The following SYT14 variants were observed in gnomAD, a reference collection of about 807,000 sequenced individuals.
SYT14 encodes the protein synaptotagmin-14.
Under a neutral mutation model 74.2 loss-of-function variants are expected in SYT14, and 32 were observed. The ratio of observed to expected loss-of-function variants is 0.43; its 90% CI spans 0.33 to 0.58. The LOEUF is 0.58. SYT14 is among the 20% of genes least tolerant of loss of function. The pLI is 0.05. For synonymous variants in SYT14, 298 were observed against 337.7 expected (o/e 0.88, Z 1.29); for missense variants, 791 against 981.8 (o/e 0.81, Z 2.60).
At position 210,001,564 on chromosome 1, in the gene SYT14, C is replaced by G. The variant is rs80254585; in HGVS notation, c.-485-12069C>G. Among the ~76,000 whole-genome samples, 1,287 of 152,052 alleles carry G rather than the reference C, an allele frequency of 8.5e-3. 19 individuals are homozygous for G. Among genetic ancestry groups the G allele is most frequent in the African/African-American group, 0.03 (1,226 of 41,456 alleles). On this transcript the variant is annotated intron_variant, in intron 2 of 9. Coordinates refer to ENST00000637265, the Ensembl canonical transcript of SYT14. Reference sequence around the variant, plus strand: ...TCAGCTGGCTTCCTGCCTTTTGAAGCGTACATGCTAGTATGGGAAGACAGA... The same window carrying G: ...TCAGCTGGCTTCCTGCCTTTTGAAGGGTACATGCTAGTATGGGAAGACAGA...
At chr1:209,951,547 C>T (rs2078912146) in intron 1 of SYT14, among the ~76,000 whole-genome samples, 1 of 152,126 alleles carries the variant, frequency 6.6e-6, no homozygotes, top group African/African-American at 2.4e-5. Flanking sequence ...GTGCCATTAT[C>T]TTTTAAAGTT....
At position 209,950,268 on chromosome 1, in the gene SYT14, C is replaced by T. The variant is rs564726810; in HGVS notation, c.-533-2441C>T. 1.2e-3 allele frequency among the ~76,000 whole-genome samples: 187 copies of T among 152,174 alleles called. 1 individual carries two copies. The highest frequency in any genetic ancestry group is 4.4e-3 in the African/African-American group (184 of 41,528). On this transcript the variant is annotated intron_variant, in intron 1 of 9. Coordinates refer to ENST00000637265, the Ensembl canonical transcript of SYT14. ...ATGTATGGAGAATATTTCTAAGTTA[C>T]CTATGAAAACATCATAGGCCTCAAT...
intron 7 of SYT14, among the ~76,000 whole-genome samples, chr1:210,115,913 GGTGCAGGCAGGCTGAGTCCGAAAAGAGA>G (rs2102595366): frequency 6.6e-6 from 1 of 151,268 alleles, no homozygotes; most frequent in African/African-American, 2.5e-5. Flanking sequence ...TAATCATCTG[GGTGCAGGCAGGCTGAGTCCGAAAAGAGA>G]GTCAGCGAAG....
chr1:210,157,269 C>T (rs1156420874), intron 8 of SYT14, among the ~76,000 whole-genome samples: 2 of 150,490 alleles, frequency 1.3e-5, no homozygotes, highest in Non-Finnish European at 3.0e-5. Flanking sequence ...AAGTGAGACC[C>T]TGACTCTACA....
At chr1:210,037,052 G>T (rs1267176694) in intron 5 of SYT14, among the ~76,000 whole-genome samples, 1 of 151,876 alleles carries the variant, frequency 6.6e-6, no homozygotes, top group African/African-American at 2.4e-5. Context: ...AATTTATCTG[G>T]TCCTGGGCTT....
intron 7 of SYT14, among the ~76,000 whole-genome samples, chr1:210,144,137 C>T (rs2082980778): frequency 6.6e-6 from 1 of 152,108 alleles, no homozygotes; most frequent in East Asian, 1.9e-4. Flanking sequence ...CTCTGAAATC[C>T]AGTGCAATGT....
intron 7 of SYT14, among the ~76,000 whole-genome samples, chr1:210,107,928 G>A (rs1229250619): frequency 6.6e-6 from 1 of 151,656 alleles, no homozygotes; most frequent in South Asian, 2.1e-4. Context: ...ATAATCATTT[G>A]TCAGTTAAAA....
At chr1:209,990,575 G>GTATA (rs2079663941) in intron 2 of SYT14, among the ~76,000 whole-genome samples, 3 of 25,458 alleles carry the variant, frequency 1.2e-4, no homozygotes, top group Admixed American at 1.5e-3. Context: ...ATATATGTAT[G>GTATA]TATATTTCTT....
chr1:209,951,248 C>A (rs993581511), intron 1 of SYT14, among the ~76,000 whole-genome samples: 8 of 152,054 alleles, frequency 5.3e-5, no homozygotes, highest in South Asian at 2.1e-4. Context: ...AACTTTGTAC[C>A]CTTTGCAGTA....
chr1:210,061,100 T>A (rs1300085207), intron 5 of SYT14, among the ~76,000 whole-genome samples: 1 of 152,072 alleles, frequency 6.6e-6, no homozygotes, highest in Non-Finnish European at 1.5e-5. Context: ...TAATCTTTTT[T>A]TTCATTATCT....
At chr1:209,996,513 A>G (rs2079800735) in intron 2 of SYT14, among the ~76,000 whole-genome samples, 1 of 152,152 alleles carries the variant, frequency 6.6e-6, no homozygotes, top group Non-Finnish European at 1.5e-5. Flanking sequence ...TTCACAGCCA[A>G]ATTCTAACAG....
intron 5 of SYT14, among the ~76,000 whole-genome samples, chr1:210,042,869 G>GT (rs1437318424): frequency 2.0e-5 from 3 of 152,110 alleles, no homozygotes; most frequent in East Asian, 1.9e-4. Context: ...AATTTAAGTA[G>GT]TTTTTTCTAA....
chr1:209,973,301 G>A (rs549463498), intron 2 of SYT14, among the ~76,000 whole-genome samples: 1 of 152,116 alleles, frequency 6.6e-6, no homozygotes, highest in Non-Finnish European at 1.5e-5. Context: ...ATGTTGGTGT[G>A]CTGCACCCAT....
chr1:209,982,789 G>A (rs768667464), intron 2 of SYT14, among the ~76,000 whole-genome samples: 3 of 152,160 alleles, frequency 2.0e-5, no homozygotes, highest in South Asian at 2.1e-4. Flanking sequence ...TTTTAGAGTC[G>A]CTGTGCCATG....
intron 2 of SYT14, among the ~76,000 whole-genome samples, chr1:209,978,298 C>G (rs1351089828): frequency 6.6e-6 from 1 of 152,094 alleles, no homozygotes; most frequent in East Asian, 1.9e-4. Context: ...TTAGAGTTTC[C>G]AGTTTTTCTG....
intron 5 of SYT14, among the ~76,000 whole-genome samples, chr1:210,085,340 T>C (rs1463136682): frequency 2.0e-5 from 3 of 152,228 alleles, no homozygotes; most frequent in Non-Finnish European, 2.9e-5. Flanking sequence ...CTGTTATTTT[T>C]CTCTTTCCAA....
At chr1:210,101,891 G>T (rs2082074038) in intron 7 of SYT14, among the ~76,000 whole-genome samples, 2 of 151,954 alleles carry the variant, frequency 1.3e-5, no homozygotes, top group Non-Finnish European at 2.9e-5. Context: ...AATTAATTAT[G>T]TTTTAATTAC....
In SYT14 at chr1:210,121,967, G is replaced by T. The variant is rs921833139; in HGVS notation, c.2034+21506G>T. On this transcript the variant is annotated intron_variant, in intron 7 of 9. Transcript: ENST00000637265. ...AGGCTATTCTGAAGTAACAAATCCT[G>T]AAACTTTTTTTTTTTTTTTTTTTTT... is the stretch of plus-strand genomic sequence containing the variant. Among the ~76,000 whole-genome samples, 4 of 74,748 alleles carry T rather than the reference G, an allele frequency of 5.4e-5. 2 individuals carry two copies. Among genetic ancestry groups the T allele is most frequent in the African/African-American group, 3.2e-4 (4 of 12,658 alleles). 49.0% of individuals were successfully genotyped at this position (74,748 alleles called of 152,430 possible). A position where few individuals can be genotyped will look rare whatever the true frequency, so the allele number is the denominator to read the frequency against.
At chr1:209,938,989 G>T (rs1472477883) in intron 1 of SYT14, among the ~76,000 whole-genome samples, 1 of 152,144 alleles carries the variant, frequency 6.6e-6, no homozygotes, top group Non-Finnish European at 1.5e-5. Context: ...AGTCTATGAA[G>T]TGTTATAGTG....
Sources: allele counts gnomAD v4.1 joint callset (sites outside exome capture counted in the v4.1 genomes callset), GRCh38; gene constraint gnomAD v4.1.1; transcripts MANE v1.5; gene names NCBI Gene and HGNC (gene_info 2026-07-23, HGNC 2026-07-21).